KAZN: variants seen among roughly 807,000 people sequenced by gnomAD.
KAZN encodes the protein kazrin, periplakin interacting protein, also known as kazrin.
In KAZN, 40 loss-of-function variants were observed where a neutral mutation model predicts 87.4. The observed-to-expected ratio is 0.46, with a 90% CI of 0.36 to 0.60. The LOEUF (loss-of-function observed/expected upper bound fraction) is 0.60. KAZN is among the 20% of genes least tolerant of loss of function. The pLI is 0.00. For missense variants in KAZN, 898 were observed against 1,073.9 expected (o/e 0.84, Z 2.29); for synonymous variants, 466 against 458.3 (o/e 1.02, Z -0.22).
At chr1:14,164,954 G>T (rs1557528618) in intron 1 of KAZN, among the ~76,000 whole-genome samples, 1 of 152,194 alleles carries the variant, frequency 6.6e-6, no homozygotes, top group African/African-American at 2.4e-5. Context: ...GACATGGAAA[G>T]TTGCGGATCC....
chr1:14,671,654 G>A (rs1362272333), intron 1 of KAZN, among the ~76,000 whole-genome samples: 1 of 151,952 alleles, frequency 6.6e-6, no homozygotes, highest in East Asian at 1.9e-4. Context: ...TTTTTTTAAA[G>A]GACTGTTTGA....
chr1:14,034,809 A>T (rs916803351), intron 1 of KAZN, among the ~76,000 whole-genome samples: 1 of 152,182 alleles, frequency 6.6e-6, no homozygotes, highest in African/African-American at 2.4e-5. Context: ...GGCTCTGTGT[A>T]ATCAAGGAAT....
intron 1 of KAZN, among the ~76,000 whole-genome samples, chr1:14,608,420 G>C (rs1286402490): frequency 6.6e-6 from 1 of 152,186 alleles, no homozygotes; most frequent in South Asian, 2.1e-4. Context: ...AGACAATGAA[G>C]TGACAAATAC....
intron 2 of KAZN, among the ~76,000 whole-genome samples, chr1:14,378,194 A>G (rs1411695406): frequency 2.6e-5 from 4 of 152,240 alleles, no homozygotes; most frequent in African/African-American, 4.8e-5. Context: ...GAATTTCAGC[A>G]AGACCTGATA....
intron 2 of KAZN, among the ~76,000 whole-genome samples, chr1:14,222,597 A>AC (rs1442213875): frequency 1.3e-5 from 2 of 152,100 alleles, no homozygotes; most frequent in Non-Finnish European, 2.9e-5. Context: ...TCACTATGAG[A>AC]CCCCATTGGG....
chr1:14,270,632 G>T (rs1167422995), intron 2 of KAZN, among the ~76,000 whole-genome samples: 3 of 152,128 alleles, frequency 2.0e-5, no homozygotes, highest in Admixed American at 2.0e-4. Flanking sequence ...CATAGTTTAT[G>T]TTAATTAATA....
intron 2 of KAZN, among the ~76,000 whole-genome samples, chr1:14,394,007 G>A (rs1662678890): frequency 6.6e-6 from 1 of 152,168 alleles, no homozygotes; most frequent in Non-Finnish European, 1.5e-5. Context: ...TCAAAGGCAG[G>A]CAGCCTTGAT....
At chr1:14,983,304 C>T (rs1040646511) in intron 2 of KAZN, among the ~76,000 whole-genome samples, 1 of 152,184 alleles carries the variant, frequency 6.6e-6, no homozygotes, top group Non-Finnish European at 1.5e-5. Context: ...CCGGACTTGA[C>T]GCTAGAGCCG....
intron 1 of KAZN, among the ~76,000 whole-genome samples, chr1:14,003,949 A>C (rs1479366719): frequency 1.3e-5 from 2 of 152,174 alleles, no homozygotes; most frequent in Non-Finnish European, 2.9e-5. Context: ...AGTTCATGGA[A>C]TGGAAAAAGA....
chr1:14,297,783 A>C (rs1016358404), intron 2 of KAZN, among the ~76,000 whole-genome samples: 1 of 152,188 alleles, frequency 6.6e-6, no homozygotes, highest in Non-Finnish European at 1.5e-5. Context: ...ATTTGGGCAA[A>C]TTATAATGTA....
intron 1 of KAZN, among the ~76,000 whole-genome samples, chr1:14,889,396 G>A (rs970981187): frequency 6.6e-6 from 1 of 152,152 alleles, no homozygotes; most frequent in African/African-American, 2.4e-5. Context: ...CAGTAAAATG[G>A]ATGCACTATA....
chr1:14,284,635 G>GA (rs1192516760), intron 2 of KAZN, among the ~76,000 whole-genome samples: 2 of 152,166 alleles, frequency 1.3e-5, no homozygotes, highest in African/African-American at 4.8e-5. Flanking sequence ...TTTACTTTAT[G>GA]AAAAATTGGG....
chr1:14,652,902 G>T (rs1572142961), intron 1 of KAZN, among the ~76,000 whole-genome samples: 1 of 151,998 alleles, frequency 6.6e-6, no homozygotes, highest in South Asian at 2.1e-4. Context: ...AGAGAGGGGG[G>T]TGCCACTGGC....
At chr1:14,992,876 T>A (rs549701405) in intron 2 of KAZN, among the ~76,000 whole-genome samples, 129 of 152,150 alleles carry the variant, frequency 8.5e-4, no homozygotes, top group African/African-American at 2.9e-3. Context: ...ACTCCTGGAC[T>A]CAAGCGATCC....
At chr1:15,078,794 A>G (rs1639870089) in intron 8 of KAZN, among the ~76,000 whole-genome samples, 1 of 152,172 alleles carries the variant, frequency 6.6e-6, no homozygotes, top group Admixed American at 6.5e-5. Flanking sequence ...GCATGATTGG[A>G]AAAGCCAAAA....
At chr1:14,930,153 G>C (rs1466517849) in intron 1 of KAZN, 1 of 838,894 alleles carries the variant, frequency 1.2e-6, no homozygotes, top group Non-Finnish European at 1.4e-6. Context: ...CAGTCTACGT[G>C]CTGGACACTG....
At chr1:14,619,391 G>T (rs1678513215) in intron 1 of KAZN, among the ~76,000 whole-genome samples, 1 of 151,238 alleles carries the variant, frequency 6.6e-6, no homozygotes, top group Non-Finnish European at 1.5e-5. Context: ...GTAAAGACAG[G>T]GTCTCGCCAT....
intron 2 of KAZN, among the ~76,000 whole-genome samples, chr1:14,991,122 G>T (rs529800761): frequency 8.5e-5 from 13 of 152,090 alleles, no homozygotes; most frequent in Non-Finnish European, 1.6e-4. Context: ...GGAGGCTGAG[G>T]CGGGCGGATC....
intron 2 of KAZN, among the ~76,000 whole-genome samples, chr1:14,237,490 G>A (rs1416622087): frequency 6.6e-6 from 1 of 152,116 alleles, no homozygotes; most frequent in Non-Finnish European, 1.5e-5. Context: ...CATTTGGAGA[G>A]TTTTAGTGTG....
Sources: allele counts gnomAD v4.1 joint callset (sites outside exome capture counted in the v4.1 genomes callset), GRCh38; gene constraint gnomAD v4.1.1; transcripts MANE v1.5; gene names NCBI Gene and HGNC (gene_info 2026-07-23, HGNC 2026-07-21).